Variants in CNKSR2 observed in about 807,000 individuals in gnomAD.
CNKSR2 encodes the protein connector enhancer of kinase suppressor of Ras 2.
CNKSR2 carries 14 observed loss-of-function variants against 84.4 expected under a neutral mutation model. The observed-to-expected ratio is 0.17, with a 90% CI of 0.11 to 0.26. CNKSR2 has a LOEUF of 0.26. CNKSR2 is among the 10% of genes least tolerant of loss of function. The pLI is 1.00. For missense variants in CNKSR2, 485 were observed against 771.2 expected (o/e 0.63, Z 4.40); for synonymous variants, 275 against 277.9 (o/e 0.99, Z 0.10).
chrX:21,642,656 A>G, intron 20 of CNKSR2: 1 of 740,240 alleles, frequency 1.4e-6, no homozygotes, highest in Non-Finnish European at 1.6e-6. Context: ...CTGTCACCGC[A>G]GTGTGTGGTA....
intron 1 of CNKSR2, among the ~76,000 whole-genome samples, chrX:21,402,766 G>A (rs2090209107): frequency 9.0e-6 from 1 of 110,691 alleles, no homozygotes; most frequent in African/African-American, 3.3e-5. Flanking sequence ...TCAAACCTGT[G>A]AACAGGAAGA....
intron 4 of CNKSR2, among the ~76,000 whole-genome samples, chrX:21,463,495 C>T (rs886663400): frequency 1.7e-4 from 19 of 111,476 alleles, no homozygotes; most frequent in Non-Finnish European, 2.4e-4. Context: ...ATTATGGCTT[C>T]GATCTCATTG....
intron 1 of CNKSR2, among the ~76,000 whole-genome samples, chrX:21,404,941 A>C (rs2146996062): frequency 9.0e-6 from 1 of 111,239 alleles, no homozygotes; most frequent in South Asian, 3.8e-4. Flanking sequence ...AATCAAAATG[A>C]TAAACCTCAA....
chrX:21,394,784 C>T (rs2090098688), intron 1 of CNKSR2, among the ~76,000 whole-genome samples: 1 of 111,858 alleles, frequency 8.9e-6, no homozygotes, highest in Non-Finnish European at 1.9e-5. Context: ...TATTATTATA[C>T]ATAGTGATCA....
At chrX:21,555,400 C>G (rs149538718) in intron 11 of CNKSR2, among the ~76,000 whole-genome samples, 9,319 of 111,097 alleles carry the variant, frequency 0.084, 925 homozygotes, top group African/African-American at 0.29. Flanking sequence ...TTAAAATATG[C>G]CTATAAAGAT....
intron 13 of CNKSR2, among the ~76,000 whole-genome samples, chrX:21,580,740 A>G (rs971996853): frequency 5.4e-5 from 6 of 111,714 alleles, no homozygotes; most frequent in Non-Finnish European, 7.5e-5. Flanking sequence ...TATATTATTT[A>G]TTCCTCTATT....
chrX:21,426,543 G>T lies in CNKSR2; in HGVS notation c.111G>T (p.Glu37Asp). 1 of 1,209,252 alleles carries T rather than the reference G, an allele frequency of 8.3e-7. No homozygotes were observed. The highest frequency in any genetic ancestry group is 1.1e-6 in the Non-Finnish European group (1 of 893,986). The change falls in exon 2 of 22, where the codon GAG (glutamate) becomes GAT (aspartate). Residue 37 changes from glutamate (E) to aspartate (D), a missense_variant. Physicochemically the swap from Glu to Asp is conservative, Grantham distance 45 (BLOSUM62 2). Around this residue, in one of 5 missense-constraint regions of CNKSR2, gnomAD observed 109 missense variants for 197.5 expected, o/e 0.55. Transcript: ENST00000379510. Reference protein sequence around the residue: ...LQQYIKNFEREKISGDQLLRI... With the variant: ...LQQYIKNFERDKISGDQLLRI... ...AGTATATTAAGAACTTTGAGAGGGAGAAGATCAGTGGGGACCAGCTGCTGC... is the reference window on the plus strand; with the variant it reads ...AGTATATTAAGAACTTTGAGAGGGATAAGATCAGTGGGGACCAGCTGCTGC...
At chrX:21,573,222 C>T (rs938478065) in intron 13 of CNKSR2, among the ~76,000 whole-genome samples, 2 of 112,355 alleles carry the variant, frequency 1.8e-5, no homozygotes, top group Non-Finnish European at 3.8e-5. Flanking sequence ...CAACTCTGCC[C>T]CTGTGGCTTT....
intron 1 of CNKSR2, among the ~76,000 whole-genome samples, chrX:21,421,285 T>A (rs1394882855): frequency 9.6e-6 from 1 of 104,060 alleles, no homozygotes; most frequent in Non-Finnish European, 1.9e-5. Flanking sequence ...TGATTTAAGA[T>A]GGTTTTTTTT....
intron 5 of CNKSR2, among the ~76,000 whole-genome samples, chrX:21,472,008 T>C (rs1322560045): frequency 8.9e-6 from 1 of 112,035 alleles, no homozygotes; most frequent in Non-Finnish European, 1.9e-5. Flanking sequence ...AAATATTAAG[T>C]TGTTCAACTA....
chrX:21,497,760 T>G lies in CNKSR2; in HGVS notation c.682-27T>G, dbSNP rs754824253. The G allele has an allele frequency of 2.3e-5, 17 of 727,640 alleles. No individual in the cohort carries two copies. The Admixed American group carries it at 2.8e-4, about 12-fold the overall frequency. The allele number at this position is 727,640 out of a possible 1,213,427, so 60.0% of individuals were successfully genotyped here. On this transcript the variant is annotated intron_variant, in intron 6 of 21. Transcript: ENST00000379510. ...TGAAAATTCACCAATTGCTTCACTTTCTTTTCTGATGCTGTCTTTTTCTTA... is the reference window on the plus strand; with the variant it reads ...TGAAAATTCACCAATTGCTTCACTTGCTTTTCTGATGCTGTCTTTTTCTTA...
At chrX:21,409,423 T>C (rs760039950) in intron 1 of CNKSR2, among the ~76,000 whole-genome samples, 1 of 106,359 alleles carries the variant, frequency 9.4e-6, no homozygotes, top group Non-Finnish European at 1.9e-5. Context: ...TATCCACTTG[T>C]AAAATTTGGA....
chrX:21,447,944 G>A (rs1189388651), intron 4 of CNKSR2, among the ~76,000 whole-genome samples: 2 of 111,484 alleles, frequency 1.8e-5, no homozygotes, highest in East Asian at 5.6e-4. Flanking sequence ...TATTATAGAA[G>A]TGATGCCTCA....
At chrX:21,489,465 A>T (rs960017281) in intron 5 of CNKSR2, among the ~76,000 whole-genome samples, 4 of 111,446 alleles carry the variant, frequency 3.6e-5, no homozygotes, top group African/African-American at 1.3e-4. Context: ...AAAAAGTTTC[A>T]AATGATGAAA....
chrX:21,522,738 G>T (rs1459656777), intron 9 of CNKSR2, among the ~76,000 whole-genome samples: 1 of 110,247 alleles, frequency 9.1e-6, no homozygotes, highest in Non-Finnish European at 1.9e-5. Context: ...ACCATCAGAG[G>T]ATTTAAAGCT....
intron 1 of CNKSR2, among the ~76,000 whole-genome samples, chrX:21,422,644 T>C (rs747707139): frequency 8.0e-5 from 9 of 112,282 alleles, no homozygotes; most frequent in Non-Finnish European, 1.7e-4. Flanking sequence ...TGGGAACTTA[T>C]AGTTGTGTTT....
At chrX:21,480,809 C>T (rs1259989269) in intron 5 of CNKSR2, among the ~76,000 whole-genome samples, 1 of 112,149 alleles carries the variant, frequency 8.9e-6, no homozygotes, top group African/African-American at 3.2e-5. Flanking sequence ...TTGACCTTAT[C>T]ATTCTTAGAT....
intron 11 of CNKSR2, among the ~76,000 whole-genome samples, chrX:21,536,298 A>C (rs1313787263): frequency 1.8e-5 from 2 of 110,969 alleles, no homozygotes; most frequent in African/African-American, 6.5e-5. Flanking sequence ...CATATTCATG[A>C]GGGATATTGG....
At chrX:21,443,863 A>T (rs1183452815) in intron 4 of CNKSR2, among the ~76,000 whole-genome samples, 1 of 111,602 alleles carries the variant, frequency 9.0e-6, no homozygotes, top group African/African-American at 3.2e-5. Flanking sequence ...TTTATTTTTG[A>T]TGGACAGCCT....
Sources: allele counts gnomAD v4.1 joint callset (sites outside exome capture counted in the v4.1 genomes callset), GRCh38; gene constraint gnomAD v4.1.1; regional missense constraint gnomAD v4.1.1; transcripts MANE v1.5; gene names NCBI Gene and HGNC (gene_info 2026-07-23, HGNC 2026-07-21).